The following PLXNA4 variants were observed in gnomAD, a reference collection of about 807,000 sequenced individuals.
The protein encoded by PLXNA4 is plexin-A4.
A neutral mutation model predicts 191.8 loss-of-function variants in PLXNA4; 44 were observed. The ratio of observed to expected loss-of-function variants is 0.23; its 90% CI spans 0.18 to 0.29. The LOEUF (loss-of-function observed/expected upper bound fraction) is 0.29, where lower values mean the gene tolerates loss of function less well. Among genes scored for constraint, PLXNA4 ranks in the 10% least tolerant of loss-of-function variants. The probability of loss-of-function intolerance (pLI) is 1.00; values close to 1 mark genes in which losing one functional copy is unlikely to be tolerated. For missense variants in PLXNA4, 1,800 were observed against 2,488.8 expected (o/e 0.72, Z 5.89); for synonymous variants, 1,082 against 1,009.5 (o/e 1.07, Z -1.36).
intron 1 of PLXNA4, among the ~76,000 whole-genome samples, chr7:132,574,979 A>G (rs952004014): frequency 1.3e-5 from 2 of 152,222 alleles, no homozygotes; most frequent in Non-Finnish European, 2.9e-5. Flanking sequence ...CTCTGAACAC[A>G]TGATCTTGGA....
chr7:132,479,965 AT>A (rs1016302906), intron 3 of PLXNA4, among the ~76,000 whole-genome samples: 1 of 152,022 alleles, frequency 6.6e-6, no homozygotes, highest in African/African-American at 2.4e-5. Flanking sequence ...GCCTCTTTGC[AT>A]TTTTTTAAAA....
chr7:132,329,807 C>T (rs1584999685), intron 3 of PLXNA4, among the ~76,000 whole-genome samples: 1 of 152,114 alleles, frequency 6.6e-6, no homozygotes, highest in East Asian at 1.9e-4. Context: ...AGGTTCTTGT[C>T]CTGCTGCCAC....
intron 4 of PLXNA4, among the ~76,000 whole-genome samples, chr7:132,276,023 G>A (rs1800264417): frequency 6.6e-6 from 1 of 152,106 alleles, no homozygotes; most frequent in Non-Finnish European, 1.5e-5. Flanking sequence ...GCCCCTCCCT[G>A]CAACCCTTAG....
chr7:132,469,484 T>C (rs537550020), intron 3 of PLXNA4, among the ~76,000 whole-genome samples: 1 of 152,336 alleles, frequency 6.6e-6, no homozygotes, highest in East Asian at 1.9e-4. Flanking sequence ...CAGCTGATGA[T>C]TCACCTGGTT....
At chr7:132,447,194 T>C (rs983143702) in intron 3 of PLXNA4, among the ~76,000 whole-genome samples, 9 of 152,156 alleles carry the variant, frequency 5.9e-5, no homozygotes, top group African/African-American at 2.2e-4. Flanking sequence ...GAGCCCAGAA[T>C]GGAATAGCGC....
intron 1 of PLXNA4, among the ~76,000 whole-genome samples, chr7:132,550,158 C>G (rs1800497391): frequency 6.6e-6 from 1 of 152,256 alleles, no homozygotes; most frequent in Admixed American, 6.5e-5. Flanking sequence ...CCTAGGAAGA[C>G]AATGAAGGCT....
intron 1 of PLXNA4, among the ~76,000 whole-genome samples, chr7:132,564,084 T>C (rs1200390088): frequency 3.1e-4 from 21 of 68,466 alleles, no homozygotes; most frequent in Admixed American, 4.9e-4. Context: ...TCCTCCTCCT[T>C]CTCTTCCTCC....
chr7:132,633,833 A>G (rs1037715061), intron 2 of PLXNA4, among the ~76,000 whole-genome samples: 1 of 152,006 alleles, frequency 6.6e-6, no homozygotes, highest in African/African-American at 2.4e-5. Context: ...CAGAAATGCA[A>G]ACCTGTGATT....
intron 2 of PLXNA4, among the ~76,000 whole-genome samples, chr7:132,629,264 C>T (rs1803446020): frequency 6.6e-6 from 1 of 152,144 alleles, no homozygotes; most frequent in Non-Finnish European, 1.5e-5. Flanking sequence ...TCAACCTCAC[C>T]ATCAATTTTA....
intron 3 of PLXNA4, among the ~76,000 whole-genome samples, chr7:132,390,694 T>A (rs1191644323): frequency 6.6e-6 from 1 of 152,052 alleles, no homozygotes; most frequent in African/African-American, 2.4e-5. Flanking sequence ...CTCTGCCCCA[T>A]GAGTCCCAGC....
chr7:132,301,000 G>A (rs922736741), intron 3 of PLXNA4, among the ~76,000 whole-genome samples: 5 of 152,214 alleles, frequency 3.3e-5, no homozygotes, highest in Non-Finnish European at 1.5e-5. Flanking sequence ...GAAGCCAGTT[G>A]ACTTGGGGGA....
At chr7:132,356,401 A>G (rs1227099421) in intron 3 of PLXNA4, among the ~76,000 whole-genome samples, 1 of 152,252 alleles carries the variant, frequency 6.6e-6, no homozygotes, top group Non-Finnish European at 1.5e-5. Context: ...GTGATGTTCA[A>G]GATGAACTTC....
chr7:132,489,401 C>T lies in PLXNA4; in HGVS notation c.1262G>A (p.Gly421Glu), dbSNP rs754782288. The change falls in exon 3 of 32, where the codon GGA (glycine) becomes GAA (glutamate). Residue 421 changes from glycine (G) to glutamate (E), a missense_variant. Transcript: ENST00000321063. ...CCTGTCCTCCGTGAAGACGGGAATT[C>T]CACGCACCATGTCGGACACTCCCAG... ...APLGVSDMVR[G>E]IPVFTEDRDR... 2.9e-5 allele frequency: 47 copies of T among 1,605,786 alleles called. No homozygotes were observed. In the East Asian group the frequency reaches 1.0e-3, roughly 34 times the overall value.
At chr7:132,343,558 C>A (rs1409731013) in intron 3 of PLXNA4, among the ~76,000 whole-genome samples, 1 of 152,182 alleles carries the variant, frequency 6.6e-6, no homozygotes, top group African/African-American at 2.4e-5. Flanking sequence ...CCTTCCAGAG[C>A]CCCCTGGCTT....
At chr7:132,471,362 G>T (rs1004359645) in intron 3 of PLXNA4, among the ~76,000 whole-genome samples, 7 of 152,148 alleles carry the variant, frequency 4.6e-5, no homozygotes, top group Admixed American at 4.6e-4. Flanking sequence ...TGTGTGTGTT[G>T]TGTGAAGTTG....
chr7:132,528,147 C>T (rs947213015), intron 1 of PLXNA4, among the ~76,000 whole-genome samples: 47 of 152,058 alleles, frequency 3.1e-4, no homozygotes, highest in Non-Finnish European at 5.9e-4. Flanking sequence ...ATGGTCGGCT[C>T]GGAGAACAGA....
chr7:132,380,740 A>T (rs1158583851), intron 3 of PLXNA4, among the ~76,000 whole-genome samples: 1 of 152,154 alleles, frequency 6.6e-6, no homozygotes, highest in Admixed American at 6.5e-5. Flanking sequence ...TAGTTTCCAA[A>T]CCCTATCACC....
intron 3 of PLXNA4, among the ~76,000 whole-genome samples, chr7:132,356,705 T>C (rs1563054433): frequency 6.6e-6 from 1 of 152,180 alleles, no homozygotes; most frequent in Non-Finnish European, 1.5e-5. Context: ...GCAATATTGG[T>C]TCCCTCTATT....
intron 3 of PLXNA4, among the ~76,000 whole-genome samples, chr7:132,346,217 G>T (rs1803241400): frequency 6.6e-6 from 1 of 152,266 alleles, no homozygotes; most frequent in Middle Eastern, 3.4e-3. Flanking sequence ...TAACTTCATG[G>T]GATGGTTGCA....
Sources: allele counts gnomAD v4.1 joint callset (sites outside exome capture counted in the v4.1 genomes callset), GRCh38; gene constraint gnomAD v4.1.1; transcripts MANE v1.5; gene names NCBI Gene and HGNC (gene_info 2026-07-23, HGNC 2026-07-21).